Variants in DYM observed in about 807,000 individuals in gnomAD.
The protein encoded by DYM is dymeclin, also known as dyggve-Melchior-Clausen syndrome protein.
DYM carries 78 observed loss-of-function variants against 93.1 expected under a neutral mutation model. The observed-to-expected ratio is 0.84, with a 90% CI of 0.70 to 1.01. The LOEUF (loss-of-function observed/expected upper bound fraction) is 1.01, where lower values mean the gene tolerates loss of function less well. DYM is among the 50% of genes least tolerant of loss of function. The probability of loss-of-function intolerance (pLI) is 0.00; values close to 1 mark genes in which losing one functional copy is unlikely to be tolerated. For synonymous variants in DYM, 321 were observed against 319.7 expected, an observed-to-expected ratio of 1.00 and a Z score of -0.04; for missense variants, 789 against 845.0, an observed-to-expected ratio of 0.93 and a Z score of 0.82.
At chr18:49,265,494 GA>G (rs1031746643) in intron 11 of DYM, among the ~76,000 whole-genome samples, 1 of 152,152 alleles carries the variant, frequency 6.6e-6, no homozygotes, top group Non-Finnish European at 1.5e-5. Context: ...ATTCTGTGAA[GA>G]AGGCCAGGCA....
At chr18:49,118,956 G>A (rs2082147612) in intron 15 of DYM, 30 bp from the exon 16 acceptor site, 1 of 1,597,018 alleles carries the variant, frequency 6.3e-7, no homozygotes, top group Non-Finnish European at 8.6e-7. Flanking sequence ...CCAACACAGA[G>A]TCAGTCTTTT....
intron 17 of DYM, among the ~76,000 whole-genome samples, chr18:49,052,065 T>G (rs2072513311): frequency 6.6e-6 from 1 of 152,260 alleles, no homozygotes; most frequent in Admixed American, 6.5e-5. Context: ...GTAATCGCAC[T>G]CTGTTTGTTA....
intron 13 of DYM, among the ~76,000 whole-genome samples, chr18:49,233,459 A>G (rs2093770670): frequency 6.6e-6 from 1 of 151,986 alleles, no homozygotes; most frequent in African/African-American, 2.4e-5. Flanking sequence ...ATGCTCTTTC[A>G]GGTATAAAAT....
At chr18:49,274,118 T>C (rs1396025090) in intron 10 of DYM, among the ~76,000 whole-genome samples, 2 of 152,050 alleles carry the variant, frequency 1.3e-5, no homozygotes, top group Non-Finnish European at 2.9e-5. Context: ...AAAAATTTCA[T>C]TATCTCAAAA....
intron 2 of DYM, among the ~76,000 whole-genome samples, chr18:49,420,846 G>A (rs939769937): frequency 1.3e-5 from 2 of 152,022 alleles, no homozygotes; most frequent in Non-Finnish European, 2.9e-5. Flanking sequence ...CTTAGCAAAC[G>A]GCACATCAGG....
chr18:49,052,553 A>T (rs994276302), intron 17 of DYM, among the ~76,000 whole-genome samples: 4 of 152,248 alleles, frequency 2.6e-5, no homozygotes, highest in Non-Finnish European at 5.9e-5. Context: ...TTTGTAGAGA[A>T]CAATGATGCC....
chr18:49,161,740 T>A (rs1405022287), intron 15 of DYM, among the ~76,000 whole-genome samples: 1 of 152,214 alleles, frequency 6.6e-6, no homozygotes, highest in East Asian at 1.9e-4. Context: ...TGACATCACA[T>A]ACCCACACAC....
chr18:49,255,264 C>A (rs999865322), intron 13 of DYM, among the ~76,000 whole-genome samples: 1 of 152,184 alleles, frequency 6.6e-6, no homozygotes, highest in Admixed American at 6.5e-5. Flanking sequence ...ATGGTCAAAA[C>A]CACATGCCCA....
intron 14 of DYM, among the ~76,000 whole-genome samples, chr18:49,195,812 C>G (rs992921145): frequency 4.6e-5 from 7 of 151,932 alleles, no homozygotes; most frequent in African/African-American, 1.7e-4. Flanking sequence ...CTTAGGGAGC[C>G]TTCGTTTAGT....
At chr18:49,297,444 G>A (rs997909648) in intron 8 of DYM, among the ~76,000 whole-genome samples, 2 of 152,156 alleles carry the variant, frequency 1.3e-5, no homozygotes, top group African/African-American at 4.8e-5. Context: ...GAGAGTATTG[G>A]AGAGAGGGTT....
At chr18:49,168,331 AG>A (rs1345916799) in intron 14 of DYM, among the ~76,000 whole-genome samples, 1 of 152,210 alleles carries the variant, frequency 6.6e-6, no homozygotes, top group African/African-American at 2.4e-5. Flanking sequence ...TTGTGTATGC[AG>A]GAAGTATTAT....
chr18:49,438,797 C>T (rs1465840289), intron 1 of DYM, among the ~76,000 whole-genome samples: 1 of 152,148 alleles, frequency 6.6e-6, no homozygotes, highest in Non-Finnish European at 1.5e-5. Context: ...TCCACCTGCT[C>T]CCCCACAAAA....
At chr18:49,166,989 CGTGTGTGTGTGTGTGTGTGT>C (rs61299099) in intron 14 of DYM, among the ~76,000 whole-genome samples, 81 of 142,026 alleles carry the variant, frequency 5.7e-4, no homozygotes, top group African/African-American at 1.7e-3. Flanking sequence ...TCTCACATTC[CGTGTGTGTGTGTGTGTGTGT>C]GTGTGTGTGT....
intron 17 of DYM, among the ~76,000 whole-genome samples, chr18:49,046,317 AC>A (rs2071537398): frequency 4.6e-5 from 7 of 151,362 alleles, no homozygotes; most frequent in African/African-American, 1.5e-4. Context: ...ACACACACAC[AC>A]ACCAGACACA....
intron 17 of DYM, among the ~76,000 whole-genome samples, chr18:49,080,351 T>C (rs1599593071): frequency 9.9e-6 from 1 of 101,050 alleles, no homozygotes; most frequent in Admixed American, 1.0e-4. Flanking sequence ...CCCCCCCAAC[T>C]CCCTCCCGGA....
chr18:49,331,984 C>T lies in DYM; in HGVS notation c.643G>A (p.Val215Met). 6.2e-7 allele frequency: 1 copy of T among 1,613,770 alleles called. No individual in the cohort carries two copies. The highest frequency in any genetic ancestry group is 8.5e-7 in the Non-Finnish European group (1 of 1,179,910). The change falls in exon 8 of 18, where the codon GTG (valine) becomes ATG (methionine). Residue 215 changes from valine to methionine, a missense_variant. Coordinates refer to ENST00000675505, the MANE Select transcript of DYM (RefSeq NM_001353214.3). ...ATAAAGTTATATAATAAGGTCTTCA[C>T]AAGTTTGCTGGTGTATGGAAGACTA... Reference protein sequence around the residue: ...GPCLPYTSKLVKTLLYNFIRQ... With the variant: ...GPCLPYTSKLMKTLLYNFIRQ...
chr18:49,236,842 C>T (rs1014338287), intron 13 of DYM, among the ~76,000 whole-genome samples: 1 of 152,162 alleles, frequency 6.6e-6, no homozygotes, highest in African/African-American at 2.4e-5. Flanking sequence ...ACCATCTGCT[C>T]TTTGCAAATA....
At chr18:49,441,837 G>C (rs766237546) in intron 1 of DYM, among the ~76,000 whole-genome samples, 1 of 152,044 alleles carries the variant, frequency 6.6e-6, no homozygotes, top group African/African-American at 2.4e-5. Context: ...CTAAAGCCTG[G>C]GGGTCTCTCT....
At position 49,242,469 on chromosome 18, in the gene DYM, A is replaced by G. The variant is rs551995775; in HGVS notation, c.1460+14541T>C. Among the ~76,000 whole-genome samples the G allele has an allele frequency of 2.6e-5, 4 of 152,332 alleles. No homozygotes were observed. The South Asian group carries it at 8.3e-4, about 32-fold the overall frequency. On this transcript the variant is annotated intron_variant, in intron 13 of 17. Transcript: ENST00000675505. ...GTAATCTGAGTATTTCAACCATCTT[A>G]TAACTGTAATATACATTGAAAAATA...
Sources: gnomAD v4.1 joint callset for allele counts (sites outside exome capture counted in the v4.1 genomes callset) on GRCh38, gnomAD v4.1.1 for gene constraint, MANE v1.5 for transcripts, NCBI Gene and HGNC (gene_info 2026-07-23, HGNC 2026-07-21) for gene names.